The following MOGAT2 variants were observed in gnomAD, a reference collection of about 807,000 sequenced individuals.
MOGAT2 encodes 2-acylglycerol O-acyltransferase 2.
In MOGAT2, 27 loss-of-function variants were observed where a neutral mutation model predicts 31.5. That is an observed-to-expected ratio of 0.86 (90% CI 0.63 to 1.18). MOGAT2 has a LOEUF of 1.18. MOGAT2 is among the 50% of genes most tolerant of loss of function. MOGAT2 has a pLI of 0.00. For missense variants in MOGAT2, 436 were observed against 433.2 expected, an observed-to-expected ratio of 1.01 and a Z score of -0.06; for synonymous variants, 163 against 170.0, an observed-to-expected ratio of 0.96 and a Z score of 0.32.
chr11:75,730,931 A>AAAG (rs1555054061), intron 5 of MOGAT2: 4 of 388,402 alleles, frequency 1.0e-5, no homozygotes, highest in African/African-American at 2.5e-5. Context: ...AAAAAAAAAG[A>AAAG]AAAGAAAAGA....
chr11:75,722,470 C>T (rs1484199273), intron 2 of MOGAT2, among the ~76,000 whole-genome samples: 2 of 152,302 alleles, frequency 1.3e-5, no homozygotes, highest in African/African-American at 4.8e-5. Flanking sequence ...CACTCTTGAG[C>T]TGAATCCCAA....
chr11:75,730,783 C>T (rs1452150531), intron 5 of MOGAT2, among the ~76,000 whole-genome samples: 1 of 151,928 alleles, frequency 6.6e-6, no homozygotes, highest in African/African-American at 2.4e-5. Flanking sequence ...GTGGCGCATG[C>T]CTGTAATCCC....
rs78850126 is a variant in MOGAT2 at position 75,728,754 on chromosome 11, C to T, written c.651-36C>T. Reference sequence around the variant, plus strand: ...CTTTCAGCTCGTGCCTTCTCTGGGGCCTCCCACATGCCCTCTTTCCTCTAT... The same window carrying T: ...CTTTCAGCTCGTGCCTTCTCTGGGGTCTCCCACATGCCCTCTTTCCTCTAT... On this transcript the variant is annotated intron_variant, in intron 4 of 5. Transcript: ENST00000198801. The T allele has an allele frequency of 5.7e-6, 9 of 1,581,310 alleles. No individual in the cohort carries two copies. The East Asian group carries it at 1.1e-4, about 20-fold the overall frequency.
At chr11:75,723,342 CT>C (rs1443845832) in intron 2 of MOGAT2, among the ~76,000 whole-genome samples, 1 of 152,098 alleles carries the variant, frequency 6.6e-6, no homozygotes, top group Non-Finnish European at 1.5e-5. Context: ...GACAATGCCA[CT>C]GAGTGGCCAG....
At chr11:75,726,323 A>G (rs141434132) in intron 2 of MOGAT2, among the ~76,000 whole-genome samples, 1 of 152,206 alleles carries the variant, frequency 6.6e-6, no homozygotes, top group African/African-American at 2.4e-5. Flanking sequence ...ACCCAACAGG[A>G]CTCGCTCCTC....
intron 2 of MOGAT2, among the ~76,000 whole-genome samples, chr11:75,722,105 G>A (rs943947391): frequency 3.9e-5 from 6 of 152,144 alleles, no homozygotes; most frequent in African/African-American, 1.4e-4. Flanking sequence ...CTCAGGATGG[G>A]GGCAGTTTCC....
At chr11:75,722,103 G>A (rs1565299368) in intron 2 of MOGAT2, among the ~76,000 whole-genome samples, 1 of 152,180 alleles carries the variant, frequency 6.6e-6, no homozygotes, top group East Asian at 1.9e-4. Context: ...GGCTCAGGAT[G>A]GGGGCAGTTT....
chr11:75,728,564 T>C, intron 4 of MOGAT2: 1 of 594,278 alleles, frequency 1.7e-6, no homozygotes, highest in Admixed American at 3.0e-5. Context: ...CTGGTCTACC[T>C]CTCATGGTGC....
intron 1 of MOGAT2, among the ~76,000 whole-genome samples, chr11:75,718,541 C>A (rs1944349925): frequency 6.6e-6 from 1 of 152,152 alleles, no homozygotes; most frequent in Non-Finnish European, 1.5e-5. Context: ...CCTCTCCAAG[C>A]CTCGACTTCA....
Position 75,720,033 on chromosome 11 carries a change from A to C in MOGAT2, c.133A>C (p.Arg45=). Residue 45 remains arginine (R), a synonymous_variant, in exon 2 of 6, where the codon AGA becomes CGA. Transcript: ENST00000198801. Reference sequence around the variant, plus strand: ...GGGCTTCATAGCCCTCCTGTTTACAAGATTCTGGCTCCTCACTGTCCTGTA... The same window carrying C: ...GGGCTTCATAGCCCTCCTGTTTACACGATTCTGGCTCCTCACTGTCCTGTA... ...TVGFIALLFT[R]FWLLTVLYAA... 6.2e-7 allele frequency: 1 copy of C among 1,614,056 alleles called. No homozygotes were observed. Among genetic ancestry groups the C allele is most frequent in the South Asian group, 1.1e-5 (1 of 91,072 alleles).
Position 75,720,153 on chromosome 11 carries a change from G to T in MOGAT2, c.253G>T (p.Asp85Tyr). Residue 85 changes from aspartate (D) to tyrosine (Y), a missense_variant, in exon 2 of 6, where the codon GAC becomes TAC. Asp to Tyr is a radical substitution (Grantham distance 160, BLOSUM62 -3). Coordinates refer to ENST00000198801, the MANE Select transcript of MOGAT2 (RefSeq NM_025098.4). ...CTGGACTATATGGAAGTACATGAAGGACTATTTCCCCATCTCGGTGAGTAT... is the reference window on the plus strand; with the variant it reads ...CTGGACTATATGGAAGTACATGAAGTACTATTTCCCCATCTCGGTGAGTAT... ...RCWTIWKYMKDYFPISLVKTA... is the reference protein window; with the variant it reads ...RCWTIWKYMKYYFPISLVKTA... 6.2e-7 allele frequency: 1 copy of T among 1,613,564 alleles called. No individual in the cohort carries two copies. Among genetic ancestry groups the T allele is most frequent in the Non-Finnish European group, 8.5e-7 (1 of 1,179,700 alleles).
Position 75,717,977 on chromosome 11 carries a change from T to G in MOGAT2, c.89T>G (p.Leu30Arg), listed in dbSNP as rs2135729148. The change falls in exon 1 of 6, where the codon CTG (leucine) becomes CGG (arginine). Residue 30 changes from leucine to arginine, a missense_variant and splice_region_variant. Coordinates refer to ENST00000198801, the MANE Select transcript of MOGAT2 (RefSeq NM_025098.4). ...VLQFVFSFLALAEICTVGFIA... is the reference protein window; with the variant it reads ...VLQFVFSFLARAEICTVGFIA... ...CAGTTTGTCTTCTCCTTCTTGGCAC[T>G]GGGTAAGTTGGGCTGCACTGTAAGA... 6.2e-7 allele frequency: 1 copy of G among 1,614,104 alleles called. No homozygotes were observed. Among genetic ancestry groups the G allele is most frequent in the Admixed American group, 1.7e-5 (1 of 60,022 alleles).
At chr11:75,723,932 A>G (rs1028913895) in intron 2 of MOGAT2, among the ~76,000 whole-genome samples, 44 of 152,128 alleles carry the variant, frequency 2.9e-4, no homozygotes, top group African/African-American at 1.1e-3. Flanking sequence ...AACAGAACTG[A>G]GGGAGGGAGA....
chr11:75,721,832 A>G (rs1458913202), intron 2 of MOGAT2, among the ~76,000 whole-genome samples: 1 of 152,154 alleles, frequency 6.6e-6, no homozygotes, highest in African/African-American at 2.4e-5. Flanking sequence ...CACCAAAGTT[A>G]AGCAACTTGT....
In MOGAT2 at chr11:75,720,136, T is replaced by G; in HGVS notation, c.236T>G (p.Ile79Arg). 1 of 1,613,898 alleles carries G rather than the reference T, an allele frequency of 6.2e-7. No individual in the cohort carries two copies. The highest frequency in any genetic ancestry group is 8.5e-7 in the Non-Finnish European group (1 of 1,179,924). Reference sequence around the variant, plus strand: ...ATCCAGGCCATCAGGTGCTGGACTATATGGAAGTACATGAAGGACTATTTC... The same window carrying G: ...ATCCAGGCCATCAGGTGCTGGACTAGATGGAAGTACATGAAGGACTATTTC... ...RHIQAIRCWT[I>R]WKYMKDYFPI... The change falls in exon 2 of 6, where the codon ATA becomes AGA. Residue 79 changes from isoleucine to arginine, a missense_variant. Transcript: ENST00000198801.
Position 75,728,836 on chromosome 11 carries a change from G to T in MOGAT2, c.697G>T (p.Asp233Tyr). The change falls in exon 5 of 6, where the codon GAC becomes TAC. Residue 233 changes from aspartate to tyrosine, a missense_variant. Coordinates refer to ENST00000198801, the MANE Select transcript of MOGAT2 (RefSeq NM_025098.4). ...IFSFGENDLF[D>Y]QIPNSSGSWL... The stretch of plus-strand genomic sequence containing the variant: ...CTCCTTCGGGGAGAATGACCTATTT[G>T]ACCAGATTCCCAACTCTTCTGGCTC... 2 of 1,614,168 alleles carry T rather than the reference G, an allele frequency of 1.2e-6. No individual in the cohort carries two copies. The highest frequency in any genetic ancestry group is 8.5e-7 in the Non-Finnish European group (1 of 1,180,024).
At chr11:75,727,860 A>G (rs1234289633) in intron 3 of MOGAT2, 110 bp from the exon 4 acceptor site, 9 of 1,242,682 alleles carry the variant, frequency 7.2e-6, no homozygotes, top group Non-Finnish European at 1.0e-5. Flanking sequence ...CAGTGGGGGA[A>G]AAACCCCAGG....
At chr11:75,730,900 G>A (rs1590844841) in intron 5 of MOGAT2, 1 of 335,304 alleles carries the variant, frequency 3.0e-6, no homozygotes, top group East Asian at 5.4e-5. Context: ...GGGCTACAGA[G>A]CGAGACTCTA....
chr11:75,727,330 C>T, intron 2 of MOGAT2, 105 bp from the exon 3 acceptor site: 1 of 1,022,750 alleles, frequency 9.8e-7, no homozygotes, highest in South Asian at 1.5e-5. Context: ...TGGATGAAGA[C>T]CTGGAGGCTC....
Sources: allele counts gnomAD v4.1 joint callset (sites outside exome capture counted in the v4.1 genomes callset), GRCh38; gene constraint gnomAD v4.1.1; transcripts MANE v1.5; gene names NCBI Gene and HGNC (gene_info 2026-07-23, HGNC 2026-07-21).